The following KCNK10 variants were observed in gnomAD, a reference collection of about 807,000 sequenced individuals.
The protein encoded by KCNK10 is potassium channel subfamily K member 10.
In KCNK10, 25 loss-of-function variants were observed where a neutral mutation model predicts 47.7. The observed-to-expected ratio is 0.52, with a 90% CI of 0.38 to 0.73. The LOEUF is 0.73. Ranked by LOEUF, KCNK10 falls within the 30% of genes least tolerant of loss-of-function variation. The pLI is 0.00. For missense variants in KCNK10, 563 were observed against 714.5 expected, an observed-to-expected ratio of 0.79 and a Z score of 2.42; for synonymous variants, 303 against 285.6, an observed-to-expected ratio of 1.06 and a Z score of -0.61.
At chr14:88,204,036 G>T (rs1287382136) in intron 4 of KCNK10, among the ~76,000 whole-genome samples, 1 of 152,144 alleles carries the variant, frequency 6.6e-6, no homozygotes, top group Non-Finnish European at 1.5e-5. Context: ...TTTGGACAAA[G>T]GATATTTACA....
Position 88,208,969 on chromosome 14 carries a change from G to A in KCNK10, c.682-16559C>T, listed in dbSNP as rs79225073. 1.8e-3 allele frequency among the ~76,000 whole-genome samples: 270 copies of A among 152,242 alleles called. 6 individuals are homozygous for A. The East Asian group carries it at 0.044, about 25-fold the overall frequency. ...GTTCTTTCAAGCATTCCCCAGGCTC[G>A]TATAGAAAGACTGCAGATGTTGTTC... On this transcript the variant is annotated intron_variant, in intron 4 of 6. Transcript: ENST00000319231.
intron 1 of KCNK10, among the ~76,000 whole-genome samples, chr14:88,266,166 AATG>A (rs1486599835): frequency 6.6e-6 from 1 of 152,128 alleles, no homozygotes; most frequent in East Asian, 1.9e-4. Context: ...GTAGACAATC[AATG>A]ATGGTGGAAT....
chr14:88,209,676 C>T (rs1020289696), intron 4 of KCNK10, among the ~76,000 whole-genome samples: 7 of 152,210 alleles, frequency 4.6e-5, no homozygotes, highest in African/African-American at 1.7e-4. Flanking sequence ...TCTGGGGCCC[C>T]CTCCACTTCT....
intron 2 of KCNK10, among the ~76,000 whole-genome samples, chr14:88,256,763 T>A (rs1369049717): frequency 6.6e-6 from 1 of 152,158 alleles, no homozygotes; most frequent in African/African-American, 2.4e-5. Flanking sequence ...ACGATGCGCA[T>A]CAGTTAGGAG....
intron 4 of KCNK10, among the ~76,000 whole-genome samples, chr14:88,222,945 T>C (rs1239042416): frequency 6.6e-6 from 1 of 152,180 alleles, no homozygotes; most frequent in East Asian, 1.9e-4. Flanking sequence ...CTTCTTGCTA[T>C]GTGAGATAAG....
intron 4 of KCNK10, among the ~76,000 whole-genome samples, chr14:88,220,741 G>A (rs1441509223): frequency 1.3e-5 from 2 of 151,850 alleles, no homozygotes; most frequent in African/African-American, 4.8e-5. Context: ...CATGTAAAAT[G>A]CAAAAGTATA....
Position 88,322,672 on chromosome 14 carries a change from G to A in KCNK10, c.52+75C>T. 2 of 1,583,424 alleles carry A rather than the reference G, an allele frequency of 1.3e-6. No individual in the cohort carries two copies. Among genetic ancestry groups the A allele is most frequent in the South Asian group, 2.2e-5 (2 of 90,390 alleles). On this transcript the variant is annotated intron_variant, in intron 1 of 6. Transcript: ENST00000319231. This position sits in a 1 kb window ranked among gnomAD's most constrained non-coding sequence, Gnocchi z 4.8. Reference sequence around the variant, plus strand: ...GACACACGCTGCCAGAAGCAAGAGTGCTTCCACTCAAGGAAGCGCGCACAC... The same window carrying A: ...GACACACGCTGCCAGAAGCAAGAGTACTTCCACTCAAGGAAGCGCGCACAC...
At chr14:88,242,780 C>T (rs766840155) in intron 2 of KCNK10, among the ~76,000 whole-genome samples, 10 of 152,150 alleles carry the variant, frequency 6.6e-5, no homozygotes, top group Non-Finnish European at 1.5e-4. Flanking sequence ...TACCATCAGA[C>T]CAAGCCACAA....
intron 2 of KCNK10, among the ~76,000 whole-genome samples, chr14:88,255,178 C>T (rs1194988836): frequency 6.6e-6 from 1 of 152,156 alleles, no homozygotes; most frequent in African/African-American, 2.4e-5. Flanking sequence ...CCAGCCTTTT[C>T]CTTGGAGTAA....
At chr14:88,242,308 G>C (rs1408909606) in intron 2 of KCNK10, among the ~76,000 whole-genome samples, 1 of 152,044 alleles carries the variant, frequency 6.6e-6, no homozygotes, top group Non-Finnish European at 1.5e-5. Flanking sequence ...TTCCATAAAG[G>C]GTCAGATAGT....
intron 1 of KCNK10, among the ~76,000 whole-genome samples, chr14:88,285,775 G>A (rs552055187): frequency 6.6e-6 from 1 of 152,306 alleles, no homozygotes; most frequent in South Asian, 2.1e-4. Flanking sequence ...TGGCCCACAG[G>A]TTAAGCCTCC....
chr14:88,222,466 T>C (rs975118997), intron 4 of KCNK10, among the ~76,000 whole-genome samples: 1 of 152,186 alleles, frequency 6.6e-6, no homozygotes, highest in Admixed American at 6.5e-5. Flanking sequence ...ACTATAATGG[T>C]AGACGCATGT....
rs1433244307 is a variant in KCNK10 at position 88,185,988 on chromosome 14, T to C, written c.1179A>G (p.Ser393=). The change falls in exon 7 of 7, where the codon TCA becomes TCG. Residue 393 remains serine, a synonymous_variant. Coordinates refer to ENST00000319231, the MANE Select transcript of KCNK10 (RefSeq NM_138317.3). The surrounding 1 kb of genome is among the most constrained non-coding windows in gnomAD (Gnocchi z 4.3). ...RRLGLDQRAH[S]LDMLSPEKRS... is the part of the protein sequence containing the mutation. ...GCTTCTCGGGGGACAGCATGTCCAG[T>C]GAGTGGGCCCGCTGGTCCAGGCCCA... The C allele has an allele frequency of 6.2e-7, 1 of 1,613,416 alleles. No individual in the cohort carries two copies. The highest frequency in any genetic ancestry group is 8.5e-7 in the Non-Finnish European group (1 of 1,179,890).
At chr14:88,212,052 A>G (rs1035010064) in intron 4 of KCNK10, among the ~76,000 whole-genome samples, 2 of 150,782 alleles carry the variant, frequency 1.3e-5, no homozygotes, top group African/African-American at 4.9e-5. Context: ...TCTGAAGGTT[A>G]AAAATATCCT....
intron 1 of KCNK10, among the ~76,000 whole-genome samples, chr14:88,315,372 C>T (rs1425496708): frequency 6.6e-6 from 1 of 152,188 alleles, no homozygotes; most frequent in Non-Finnish European, 1.5e-5. Context: ...AGACTTTATT[C>T]ATCTCTAAGC....
At position 88,195,405 on chromosome 14, in the gene KCNK10, C is replaced by T. The variant is rs1262177969; in HGVS notation, c.682-2995G>A. 3.9e-5 allele frequency among the ~76,000 whole-genome samples: 6 copies of T among 152,288 alleles called. No individual in the cohort carries two copies. The East Asian group carries it at 1.2e-3, about 29-fold the overall frequency. On this transcript the variant is annotated intron_variant, in intron 4 of 6. Transcript: ENST00000319231. ...TAATATTCAATGCTTGTTAACAGGC[C>T]ATTTTAATGTAAATGCTCAAATTTT...
intron 2 of KCNK10, 113 bp downstream of exon 2, chr14:88,263,089 C>A: frequency 7.2e-6 from 6 of 834,540 alleles, no homozygotes; most frequent in Non-Finnish European, 9.1e-6. Flanking sequence ...AGAGAACTTC[C>A]CTGACCACCA....
intron 2 of KCNK10, among the ~76,000 whole-genome samples, chr14:88,255,310 A>C (rs1019505821): frequency 2.0e-5 from 3 of 152,124 alleles, no homozygotes; most frequent in Non-Finnish European, 4.4e-5. Context: ...GCTCAAATCC[A>C]AGTTTAATCA....
chr14:88,292,209 A>C (rs1410125249), intron 1 of KCNK10, among the ~76,000 whole-genome samples: 1 of 152,226 alleles, frequency 6.6e-6, no homozygotes, highest in Non-Finnish European at 1.5e-5. Flanking sequence ...AAAGCAGCAA[A>C]GCCAGCAGGA....
Sources: gnomAD v4.1 joint callset for allele counts (sites outside exome capture counted in the v4.1 genomes callset) on GRCh38, gnomAD v4.1.1 for gene constraint, Gnocchi (gnomAD v3.1) non-coding constraint, MANE v1.5 for transcripts, NCBI Gene and HGNC (gene_info 2026-07-23, HGNC 2026-07-21) for gene names.